DLGAP2: variants seen among roughly 807,000 people sequenced by gnomAD.
The protein encoded by DLGAP2 is DLG associated protein 2.
A neutral mutation model predicts 100.3 loss-of-function variants in DLGAP2; 26 were observed. The ratio of observed to expected loss-of-function variants is 0.26; its 90% CI spans 0.19 to 0.36. The LOEUF (loss-of-function observed/expected upper bound fraction) is 0.36. Ranked by LOEUF, DLGAP2 falls within the 10% of genes least tolerant of loss-of-function variation. DLGAP2 has a pLI of 1.00. For missense variants in DLGAP2, 1,858 were observed against 1,453.2 expected (o/e 1.28, Z -4.53); for synonymous variants, 886 against 630.1 (o/e 1.41, Z -6.08).
rs749618326 is a variant in DLGAP2 at position 1,637,453 on chromosome 8, T to C, written c.1810+4407T>C. Among the ~76,000 whole-genome samples, 7 of 151,828 alleles carry C rather than the reference T, an allele frequency of 4.6e-5. No individual in the cohort carries two copies. In the South Asian group the frequency reaches 1.5e-3, roughly 32 times the overall value. Reference sequence around the variant, plus strand: ...AGATGCATAGCCTCAGGTCATAGCTTTCCATAAGTCAACAGCTATGCACTG... The same window carrying C: ...AGATGCATAGCCTCAGGTCATAGCTCTCCATAAGTCAACAGCTATGCACTG... On this transcript the variant is annotated intron_variant, in intron 8 of 14. Coordinates refer to ENST00000637795, the MANE Select transcript of DLGAP2 (RefSeq NM_001346810.2).
intron 3 of DLGAP2, among the ~76,000 whole-genome samples, chr8:1,351,320 AGGCCGTGCGGGTCCTGAGTGTGGAAC>A (rs1801718628): frequency 3.5e-5 from 2 of 56,810 alleles, no homozygotes; most frequent in Admixed American, 2.4e-4. Context: ...GTGTGTGGAA[AGGCCGTGCGGGTCCTGAGTGTGGAAC>A]GGCCGTGCGG....
chr8:1,482,042 C>G (rs1309899827), intron 3 of DLGAP2, among the ~76,000 whole-genome samples: 1 of 152,230 alleles, frequency 6.6e-6, no homozygotes, highest in Non-Finnish European at 1.5e-5. Context: ...TTGGTGATGT[C>G]TTCACAGCAG....
chr8:808,102 T>C (rs1796302407), intron 1 of DLGAP2, among the ~76,000 whole-genome samples: 1 of 152,214 alleles, frequency 6.6e-6, no homozygotes, highest in African/African-American at 2.4e-5. Flanking sequence ...ACCTGTCATA[T>C]GGCGGATGTG....
intron 2 of DLGAP2, among the ~76,000 whole-genome samples, chr8:1,051,089 T>G (rs879414521): frequency 0.02 from 1,192 of 61,080 alleles, 4 homozygotes; most frequent in Admixed American, 0.033. Flanking sequence ...GGTCTTTTTG[T>G]GGGCAGGGGG....
At chr8:1,596,405 G>A (rs753913284) in intron 6 of DLGAP2, among the ~76,000 whole-genome samples, 4 of 152,150 alleles carry the variant, frequency 2.6e-5, no homozygotes, top group African/African-American at 9.7e-5. Context: ...GGATTGCTGG[G>A]TCAAATTGTA....
intron 2 of DLGAP2, among the ~76,000 whole-genome samples, chr8:1,151,265 C>T (rs1796692070): frequency 6.6e-6 from 1 of 152,104 alleles, no homozygotes; most frequent in African/African-American, 2.4e-5. Flanking sequence ...GGAGAAAAGT[C>T]ATACACATTT....
At chr8:996,375 G>C (rs370159983) in intron 2 of DLGAP2, among the ~76,000 whole-genome samples, 1 of 152,288 alleles carries the variant, frequency 6.6e-6, no homozygotes, top group South Asian at 2.1e-4. Context: ...AAGAAATGGC[G>C]TCTGAGCAGG....
intron 3 of DLGAP2, among the ~76,000 whole-genome samples, chr8:1,407,524 G>C (rs190361194): frequency 2.1e-5 from 3 of 142,318 alleles, no homozygotes; most frequent in Admixed American, 7.1e-5. Flanking sequence ...ATCGTCCAGA[G>C]TCGTGTATTG....
chr8:836,601 G>T (rs1356833660), intron 1 of DLGAP2, among the ~76,000 whole-genome samples: 2 of 152,200 alleles, frequency 1.3e-5, no homozygotes, highest in African/African-American at 4.8e-5. Flanking sequence ...AGCCCGAGCT[G>T]GAGAACGCGG....
intron 3 of DLGAP2, among the ~76,000 whole-genome samples, chr8:1,411,046 A>C (rs1395983902): frequency 6.6e-6 from 1 of 152,160 alleles, no homozygotes; most frequent in Non-Finnish European, 1.5e-5. Context: ...AGTGCATAAA[A>C]GGTGACTAAA....
At chr8:1,251,927 C>T (rs1027482027) in intron 2 of DLGAP2, among the ~76,000 whole-genome samples, 1 of 152,244 alleles carries the variant, frequency 6.6e-6, no homozygotes, top group Non-Finnish European at 1.5e-5. Flanking sequence ...GCCTGTTTTC[C>T]CACAGTCATG....
intron 2 of DLGAP2, among the ~76,000 whole-genome samples, chr8:911,855 C>T (rs1338860180): frequency 1.3e-5 from 2 of 152,200 alleles, no homozygotes; most frequent in African/African-American, 4.8e-5. Context: ...ATCCACATTT[C>T]CCTGACAGTG....
At chr8:742,059 G>A (rs924604699) in intron 1 of DLGAP2, among the ~76,000 whole-genome samples, 2 of 152,126 alleles carry the variant, frequency 1.3e-5, no homozygotes, top group African/African-American at 2.4e-5. Context: ...TCATTACCCC[G>A]TGACTTTCAG....
intron 3 of DLGAP2, among the ~76,000 whole-genome samples, chr8:1,288,334 AGT>A (rs1204730686): frequency 8.7e-6 from 1 of 114,302 alleles, no homozygotes; most frequent in Non-Finnish European, 1.7e-5. Flanking sequence ...GTTTCGTTTC[AGT>A]GTGTGTGTGT....
intron 1 of DLGAP2, among the ~76,000 whole-genome samples, chr8:889,721 C>G (rs374274670): frequency 6.6e-6 from 1 of 152,228 alleles, no homozygotes; most frequent in Non-Finnish European, 1.5e-5. Context: ...AGCCCCAGTG[C>G]TGGCTGCTGC....
At chr8:917,457 C>T (rs1263614247) in intron 2 of DLGAP2, among the ~76,000 whole-genome samples, 2 of 152,170 alleles carry the variant, frequency 1.3e-5, no homozygotes, top group Non-Finnish European at 2.9e-5. Flanking sequence ...AGGCTGCTCT[C>T]GAACTCCTGG....
At chr8:1,259,296 G>A (rs1052500559) in intron 3 of DLGAP2, among the ~76,000 whole-genome samples, 1 of 152,108 alleles carries the variant, frequency 6.6e-6, no homozygotes, top group African/African-American at 2.4e-5. Flanking sequence ...AGAGTGTGTG[G>A]GGCCTTTGCT....
In DLGAP2 at chr8:1,302,413, G is replaced by A. The variant is rs1554438359; in HGVS notation, c.106+43530G>A. 2.6e-4 allele frequency: 31 copies of A among 120,862 alleles called. 1 individual carries two copies. Among genetic ancestry groups the A allele is most frequent in the South Asian group, 5.5e-4 (2 of 3,654 alleles). 7.5% of individuals were successfully genotyped at this position (120,862 alleles called of 1,614,324 possible). On this transcript the variant is annotated intron_variant, in intron 3 of 14. Coordinates refer to ENST00000637795, the MANE Select transcript of DLGAP2 (RefSeq NM_001346810.2). ...GGACCGGACTCAGCATTTTCTGTGA[G>A]TTCCCGAGCTCTGCTCCACACCTGG...
At chr8:1,096,466 C>G (rs1563189303) in intron 2 of DLGAP2, among the ~76,000 whole-genome samples, 1 of 152,148 alleles carries the variant, frequency 6.6e-6, no homozygotes, top group African/African-American at 2.4e-5. Flanking sequence ...AGCGTGAGAA[C>G]TACCTCCCTG....
Sources: allele counts gnomAD v4.1 joint callset (sites outside exome capture counted in the v4.1 genomes callset), GRCh38; gene constraint gnomAD v4.1.1; transcripts MANE v1.5; gene names NCBI Gene and HGNC (gene_info 2026-07-23, HGNC 2026-07-21).